Variants in ANKRD24 observed in about 807,000 individuals in gnomAD.
ANKRD24 encodes ankyrin repeat domain 24.
Under a neutral mutation model 127.8 loss-of-function variants are expected in ANKRD24, and 109 were observed. The ratio of observed to expected loss-of-function variants is 0.85; its 90% CI spans 0.73 to 1.00. The LOEUF (loss-of-function observed/expected upper bound fraction) is 1.00, where lower values mean the gene tolerates loss of function less well. Ranked by LOEUF, ANKRD24 falls within the 50% of genes least tolerant of loss-of-function variation. The pLI is 0.00. For missense variants in ANKRD24, 1,648 were observed against 1,570.2 expected, an observed-to-expected ratio of 1.05 and a Z score of -0.84; for synonymous variants, 743 against 671.1, an observed-to-expected ratio of 1.11 and a Z score of -1.66.
At position 4,199,522 on chromosome 19, in the gene ANKRD24, C is replaced by T. The variant is rs955338897; in HGVS notation, c.37-161C>T. ...CCTCCATGCTCAGCCCAGGGGACAA[C>T]GTTTTGGAAATAGATGCCAGGGGGC... On this transcript the variant is annotated intron_variant, in intron 2 of 21. Transcript: ENST00000318934. This position sits in a 1 kb window ranked among gnomAD's most constrained non-coding sequence, Gnocchi z 5.2. The T allele has an allele frequency of 1.0e-4, 101 of 985,304 alleles. No homozygotes were observed. Among genetic ancestry groups the T allele is most frequent in the Non-Finnish European group, 1.2e-4 (98 of 829,928 alleles). The allele number at this position is 985,304 out of a possible 1,614,324, so 61.0% of individuals were successfully genotyped here. A position where few individuals can be genotyped will look rare whatever the true frequency, so the allele number is the denominator to read the frequency against.
intron 20 of ANKRD24, among the ~76,000 whole-genome samples, chr19:4,223,392 TATATATATA>T (rs200665205): frequency 2.3e-3 from 198 of 86,658 alleles, no homozygotes; most frequent in African/African-American, 5.3e-3. Context: ...TATATATATA[TATATATATA>T]TTTTTTTTTT....
Position 4,217,454 on chromosome 19 carries a change from G to C in ANKRD24, c.2294G>C (p.Arg765Pro), listed in dbSNP as rs765582446. ...GCGGAGGCCGAGGCAGGCCGGCTGC[G>C]AGAGCGTGTCCGCGAGGCCGAGGGC... is the stretch of plus-strand genomic sequence containing the variant. ...EAAEAEAGRL[R>P]ERVREAEGSG... Residue 765 changes from arginine (R) to proline (P), a missense_variant, in exon 18 of 22, where the codon CGA (arginine) becomes CCA (proline). Physicochemically the swap from Arg to Pro is moderately radical, Grantham distance 103. Transcript: ENST00000318934. 24 of 1,512,820 alleles carry C rather than the reference G, an allele frequency of 1.6e-5. No individual in the cohort carries two copies. In the East Asian group the frequency reaches 5.4e-4, roughly 34 times the overall value. 93.7% of individuals were successfully genotyped at this position (1,512,820 alleles called of 1,614,324 possible). A position where few individuals can be genotyped will look rare whatever the true frequency, so the allele number is the denominator to read the frequency against.
intron 13 of ANKRD24, among the ~76,000 whole-genome samples, chr19:4,211,790 A>C (rs1379180924): frequency 6.6e-6 from 1 of 152,124 alleles, no homozygotes; most frequent in African/African-American, 2.4e-5. Context: ...GCAGGCACTT[A>C]ATAAATACTT....
chr19:4,216,137 A>G (rs2145383815), intron 16 of ANKRD24, 87 bp downstream of exon 16: 1 of 1,456,970 alleles, frequency 6.9e-7, no homozygotes, highest in Non-Finnish European at 9.4e-7. Flanking sequence ...GGGAGTTTGA[A>G]GCTGGGAGGG....
In ANKRD24 at chr19:4,218,005, C is replaced by A. The variant is rs771153272; in HGVS notation, c.2845C>A (p.Arg949=). The A allele has an allele frequency of 1.3e-6, 2 of 1,539,728 alleles. No homozygotes were observed. Among genetic ancestry groups the A allele is most frequent in the Non-Finnish European group, 1.7e-6 (2 of 1,150,458 alleles). The change falls in exon 18 of 22, where the codon CGG becomes AGG. Residue 949 remains arginine, a synonymous_variant. Coordinates refer to ENST00000318934, the MANE Select transcript of ANKRD24 (RefSeq NM_001393985.1). ...GGTGGCCACGGGCAAGGAGGCCGCCCGGCTGCGCGCGGAGCTGGAGCGGGA... is the reference window on the plus strand; with the variant it reads ...GGTGGCCACGGGCAAGGAGGCCGCCAGGCTGCGCGCGGAGCTGGAGCGGGA... ...EVVATGKEAA[R]LRAELERERV...
rs1968878996 is a variant in ANKRD24, at chr19:4,198,336, G to T, written c.37-1347G>T. On this transcript the variant is annotated intron_variant, in intron 2 of 21. Coordinates refer to ENST00000318934, the MANE Select transcript of ANKRD24 (RefSeq NM_001393985.1). The surrounding 1 kb of genome is among the most constrained non-coding windows in gnomAD (Gnocchi z 6.1). ...CGAGGAGGGCAAGGGGGAGGGGGCG[G>T]CACCAGGGAGGGCGGGACCGGGCGG... 7.3e-6 allele frequency: 1 copy of T among 137,438 alleles called. No individual in the cohort carries two copies. The highest frequency in any genetic ancestry group is 1.5e-5 in the Non-Finnish European group (1 of 67,096). 8.5% of individuals were successfully genotyped at this position (137,438 alleles called of 1,614,324 possible).
Position 4,217,875 on chromosome 19 carries a change from C to T in ANKRD24, c.2715C>T (p.Ala905=), listed in dbSNP as rs1239922184. The T allele has an allele frequency of 2.7e-6, 4 of 1,465,044 alleles. No individual in the cohort carries two copies. Among genetic ancestry groups the T allele is most frequent in the Non-Finnish European group, 3.6e-6 (4 of 1,115,582 alleles). The allele number at this position is 1,465,044 out of a possible 1,614,324, so 90.8% of individuals were successfully genotyped here. A position where few individuals can be genotyped will look rare whatever the true frequency, so the allele number is the denominator to read the frequency against. Residue 905 remains alanine, a synonymous_variant, in exon 18 of 22, where the codon GCC becomes GCT. Transcript: ENST00000318934. ...AGGGCCTGGCCGAGCTGCGGGAGGC[C>T]TCCGAGGCCCTCCGCCAGTCCGTGG... ...ARQGLAELRE[A]SEALRQSVVP...
intron 11 of ANKRD24, among the ~76,000 whole-genome samples, chr19:4,209,439 GT>G (rs1969581446): frequency 6.8e-6 from 1 of 147,362 alleles, no homozygotes; most frequent in South Asian, 2.2e-4. Flanking sequence ...TGTTGTTGTT[GT>G]TGTTTGTTTG....
rs1433966074 is a variant in ANKRD24, at chr19:4,208,780, T to G, written c.849T>G (p.Asp283Glu). 1 of 1,613,250 alleles carries G rather than the reference T, an allele frequency of 6.2e-7. No homozygotes were observed. The highest frequency in any genetic ancestry group is 1.1e-5 in the South Asian group (1 of 90,890). Residue 283 changes from aspartate (D) to glutamate (E), a missense_variant, in exon 11 of 22, where the codon GAT (aspartate) becomes GAG (glutamate). Physicochemically the swap from Asp to Glu is conservative, Grantham distance 45 (BLOSUM62 2). Coordinates refer to ENST00000318934, the MANE Select transcript of ANKRD24 (RefSeq NM_001393985.1). ...PSPPSALTED[D>E]SGEASSQNSM... ...TCTCCCCAGCCCTCACAGAGGATGA[T>G]TCAGGCGAGGCGTCATCTCAGGTAT...
rs866631559 is a variant in ANKRD24 at position 4,188,953 on chromosome 19, G to A, written c.36+2492G>A. 5.2e-3 allele frequency among the ~76,000 whole-genome samples: 795 copies of A among 152,030 alleles called. 7 individuals are homozygous for A. Among genetic ancestry groups the A allele is most frequent in the African/African-American group, 0.017 (694 of 41,494 alleles). On this transcript the variant is annotated intron_variant, in intron 2 of 21. Coordinates refer to ENST00000318934, the MANE Select transcript of ANKRD24 (RefSeq NM_001393985.1). ...CTTCCAAATAGCTGGGACTACAGGCGCCTGCCACTATGGCTGGCTAAATAT... is the reference window on the plus strand; with the variant it reads ...CTTCCAAATAGCTGGGACTACAGGCACCTGCCACTATGGCTGGCTAAATAT...
chr19:4,189,619 C>T (rs1968270747), intron 2 of ANKRD24, among the ~76,000 whole-genome samples: 1 of 151,752 alleles, frequency 6.6e-6, no homozygotes, highest in African/African-American at 2.4e-5. Context: ...CTCCTGGGCT[C>T]AAGAGATCCT....
chr19:4,204,572 A>C (rs772078196), intron 7 of ANKRD24, among the ~76,000 whole-genome samples: 5 of 152,036 alleles, frequency 3.3e-5, no homozygotes, highest in African/African-American at 7.3e-5. Context: ...ATAATCACCT[A>C]ATCCAAACTC....
chr19:4,185,447 C>T (rs973254398), intron 1 of ANKRD24, among the ~76,000 whole-genome samples: 3 of 151,990 alleles, frequency 2.0e-5, no homozygotes, highest in Non-Finnish European at 4.4e-5. Context: ...CATGCCAACC[C>T]CTACTCCTTG....
At position 4,198,111 on chromosome 19, in the gene ANKRD24, G is replaced by T; in HGVS notation, c.37-1572G>T. On this transcript the variant is annotated intron_variant, in intron 2 of 21. Coordinates refer to ENST00000318934, the MANE Select transcript of ANKRD24 (RefSeq NM_001393985.1). The surrounding 1 kb of genome is among the most constrained non-coding windows in gnomAD (Gnocchi z 6.1). ...CGCCCTTGGCCGACTCGGAGGAGGT[G>T]GAGATGGACGCCCGCGGGTCCCCTG... 1 of 485,138 alleles carries T rather than the reference G, an allele frequency of 2.1e-6. No individual in the cohort carries two copies. Among genetic ancestry groups the T allele is most frequent in the South Asian group, 2.9e-5 (1 of 34,540 alleles). 30.1% of individuals were successfully genotyped at this position (485,138 alleles called of 1,614,324 possible).
rs578190159 is a variant in ANKRD24, at chr19:4,199,606, G to A, written c.37-77G>A. Reference sequence around the variant, plus strand: ...TTGGACAACTGGGGTGATGGGCCTGGGGGCAGATGCTGGGGGTCGCAGGCT... The same window carrying A: ...TTGGACAACTGGGGTGATGGGCCTGAGGGCAGATGCTGGGGGTCGCAGGCT... On this transcript the variant is annotated intron_variant, in intron 2 of 21. Coordinates refer to ENST00000318934, the MANE Select transcript of ANKRD24 (RefSeq NM_001393985.1). This position sits in a 1 kb window ranked among gnomAD's most constrained non-coding sequence, Gnocchi z 5.2. The A allele has an allele frequency of 6.8e-7, 1 of 1,462,602 alleles. No homozygotes were observed. The highest frequency in any genetic ancestry group is 2.5e-5 in the East Asian group (1 of 40,096). 90.6% of individuals were successfully genotyped at this position (1,462,602 alleles called of 1,614,324 possible).
intron 2 of ANKRD24, among the ~76,000 whole-genome samples, chr19:4,196,490 C>T (rs1968749240): frequency 6.6e-6 from 1 of 152,134 alleles, no homozygotes; most frequent in South Asian, 2.1e-4. Flanking sequence ...ATTCTCCTGC[C>T]TCACTTCCTG....
chr19:4,217,015 G>A lies in ANKRD24; in HGVS notation c.1855G>A (p.Glu619Lys). The A allele has an allele frequency of 6.2e-7, 1 of 1,613,846 alleles. No individual in the cohort carries two copies. The highest frequency in any genetic ancestry group is 1.3e-5 in the African/African-American group (1 of 75,030). The change falls in exon 18 of 22, where the codon GAA becomes AAA. Residue 619 changes from glutamate (E) to lysine (K), a missense_variant. By Grantham distance (56) the Glu-to-Lys change is moderately conservative. Transcript: ENST00000318934. ...METTEEEANM[E>K]TKPTGAQATD... Reference sequence around the variant, plus strand: ...GACCACAGAAGAAGAAGCAAACATGGAAACTAAGCCCACAGGAGCTCAGGC... The same window carrying A: ...GACCACAGAAGAAGAAGCAAACATGAAAACTAAGCCCACAGGAGCTCAGGC...
At chr19:4,204,269 C>G (rs547857674) in intron 7 of ANKRD24, among the ~76,000 whole-genome samples, 10 of 152,152 alleles carry the variant, frequency 6.6e-5, no homozygotes, top group Admixed American at 2.0e-4. Flanking sequence ...GGCCCTTCTC[C>G]TTTTTTATTA....
rs932653522 is a variant in ANKRD24, at chr19:4,217,593, C to T, written c.2433C>T (p.Ala811=). The change falls in exon 18 of 22, where the codon GCC becomes GCT. Residue 811 remains alanine (A), a synonymous_variant. Coordinates refer to ENST00000318934, the MANE Select transcript of ANKRD24 (RefSeq NM_001393985.1). The part of the protein sequence containing the change: ...RDSRLRELEA[A]SACLDEARAS... ...CCCGCCTGCGGGAGCTGGAGGCGGC[C>T]TCGGCCTGCCTGGATGAGGCTCGGG... The T allele has an allele frequency of 6.9e-6, 9 of 1,303,728 alleles. No homozygotes were observed. The African/African-American group carries it at 1.3e-4, about 18-fold the overall frequency. The allele number at this position is 1,303,728 out of a possible 1,614,324, so 80.8% of individuals were successfully genotyped here.
Sources: allele counts gnomAD v4.1 joint callset (sites outside exome capture counted in the v4.1 genomes callset), GRCh38; gene constraint gnomAD v4.1.1; non-coding constraint Gnocchi (gnomAD v3.1); transcripts MANE v1.5; gene names NCBI Gene and HGNC (gene_info 2026-07-23, HGNC 2026-07-21).